The following EIF4ENIF1 variants were observed in gnomAD, a reference collection of about 807,000 sequenced individuals.
EIF4ENIF1 encodes eukaryotic translation initiation factor 4E nuclear import factor 1.
EIF4ENIF1 carries 23 observed loss-of-function variants against 110.5 expected under a neutral mutation model. That is an observed-to-expected ratio of 0.21 (90% CI 0.15 to 0.29). The LOEUF (loss-of-function observed/expected upper bound fraction) is 0.29, where lower values mean the gene tolerates loss of function less well. Among genes scored for constraint, EIF4ENIF1 ranks in the 10% least tolerant of loss-of-function variants. The probability of loss-of-function intolerance (pLI) is 1.00; values close to 1 mark genes in which losing one functional copy is unlikely to be tolerated. For synonymous variants in EIF4ENIF1, 440 were observed against 437.0 expected (o/e 1.01, Z -0.09); for missense variants, 1,031 against 1,221.1 (o/e 0.84, Z 2.32).
chr22:31,488,289 G>A (rs1193119320), intron 2 of EIF4ENIF1, among the ~76,000 whole-genome samples: 1 of 152,040 alleles, frequency 6.6e-6, no homozygotes, highest in Non-Finnish European at 1.5e-5. Flanking sequence ...GCATCCTAGG[G>A]CTTTAATCCT....
At chr22:31,456,443 T>C (rs1442211570) in intron 7 of EIF4ENIF1, among the ~76,000 whole-genome samples, 1 of 152,026 alleles carries the variant, frequency 6.6e-6, no homozygotes, top group Non-Finnish European at 1.5e-5. Flanking sequence ...CAGGATGGTC[T>C]CGATCTCCTG....
At chr22:31,447,385 C>T in intron 14 of EIF4ENIF1, 41 bp downstream of exon 14, 2 of 1,604,300 alleles carry the variant, frequency 1.2e-6, no homozygotes, top group Non-Finnish European at 1.7e-6. Flanking sequence ...TTCAGGAAAA[C>T]TTATCCGTAA....
At chr22:31,466,087 C>G (rs915235970) in intron 4 of EIF4ENIF1, among the ~76,000 whole-genome samples, 5 of 152,074 alleles carry the variant, frequency 3.3e-5, no homozygotes, top group African/African-American at 7.2e-5. Flanking sequence ...ACCAGCCTGG[C>G]CAACATAGGG....
In EIF4ENIF1 at chr22:31,442,046, G is replaced by A. The variant is rs951413026; in HGVS notation, c.2279C>T (p.Ser760Leu). ...DSSPTTNSKLSALQRSSCSTP... is the reference protein window; with the variant it reads ...DSSPTTNSKLLALQRSSCSTP... ...GGAACACGAAGACCTCTGTAATGCT[G>A]ACAGTTTGGAATTTGTAGTGGGAGA... Residue 760 changes from serine to leucine, a missense_variant, in exon 17 of 19, where the codon TCA becomes TTA. Coordinates refer to ENST00000330125, the MANE Select transcript of EIF4ENIF1 (RefSeq NM_019843.4). 20 of 1,614,074 alleles carry A rather than the reference G, an allele frequency of 1.2e-5. No individual in the cohort carries two copies. The highest frequency in any genetic ancestry group is 3.3e-5 in the Admixed American group (2 of 59,998).
At chr22:31,488,536 A>G in intron 2 of EIF4ENIF1, 87 bp downstream of exon 2, 1 of 1,554,260 alleles carries the variant, frequency 6.4e-7, no homozygotes, top group East Asian at 2.3e-5. Flanking sequence ...GAATGAGATT[A>G]CCACTTAATA....
At chr22:31,442,823 C>T (rs1181837042) in intron 16 of EIF4ENIF1, 139 bp downstream of exon 16, 3 of 1,165,112 alleles carry the variant, frequency 2.6e-6, no homozygotes, top group African/African-American at 1.5e-5. Flanking sequence ...AACCTTCTCA[C>T]TGACACAGAA....
intron 2 of EIF4ENIF1, among the ~76,000 whole-genome samples, chr22:31,477,976 A>C (rs1027496188): frequency 6.6e-6 from 1 of 152,216 alleles, no homozygotes; most frequent in Non-Finnish European, 1.5e-5. Flanking sequence ...GTGAATGTTC[A>C]CACCTTCAAA....
At chr22:31,486,219 G>A (rs532624287) in intron 2 of EIF4ENIF1, among the ~76,000 whole-genome samples, 14 of 151,790 alleles carry the variant, frequency 9.2e-5, no homozygotes, top group African/African-American at 4.8e-5. Flanking sequence ...GCAGTGAGCC[G>A]AGATAGCATC....
At chr22:31,445,946 A>AAAAT (rs1288037939) in intron 14 of EIF4ENIF1, among the ~76,000 whole-genome samples, 1 of 141,734 alleles carries the variant, frequency 7.1e-6, no homozygotes. Flanking sequence ...AAATGCAGTT[A>AAAAT]CGTACCGCCC....
intron 10 of EIF4ENIF1, 87 bp downstream of exon 10, chr22:31,454,057 A>G: frequency 8.1e-7 from 1 of 1,241,936 alleles, no homozygotes; most frequent in Non-Finnish European, 1.1e-6. Context: ...CTTACTCAGA[A>G]TACCTTTTTA....
intron 14 of EIF4ENIF1, among the ~76,000 whole-genome samples, chr22:31,446,074 A>G (rs1016358496): frequency 6.6e-6 from 1 of 150,752 alleles, no homozygotes; most frequent in Non-Finnish European, 1.5e-5. Context: ...GAATCACTTG[A>G]GGCCAGGAAT....
Position 31,449,516 on chromosome 22 carries a change from G to C in EIF4ENIF1, c.1600C>G (p.Pro534Ala), listed in dbSNP as rs2050583667. The C allele has an allele frequency of 5.0e-6, 8 of 1,612,992 alleles. No individual in the cohort carries two copies. The highest frequency in any genetic ancestry group is 5.9e-6 in the Non-Finnish European group (7 of 1,179,696). The change falls in exon 12 of 19, where the codon CCA becomes GCA. Residue 534 changes from proline (P) to alanine (A), a missense_variant. By Grantham distance (27) the Pro-to-Ala change is conservative. Around this residue, in one of 3 missense-constraint regions of EIF4ENIF1, gnomAD observed 704 missense variants for 879.7 expected, o/e 0.80. Coordinates refer to ENST00000330125, the MANE Select transcript of EIF4ENIF1 (RefSeq NM_019843.4). ...TTGGAAGAAGCAGGTCTCTGAACTG[G>C]TTGACCCAGAAGTTCCTAAAGGCAG... ...KNILQELLGQ[P>A]VQRPASSNLL...
At chr22:31,477,529 T>G (rs1422853352) in intron 2 of EIF4ENIF1, among the ~76,000 whole-genome samples, 2 of 152,244 alleles carry the variant, frequency 1.3e-5, no homozygotes, top group Admixed American at 6.5e-5. Context: ...ATTCTCATTT[T>G]CACTTCCGTA....
intron 1 of EIF4ENIF1, 56 bp from the exon 2 acceptor site, chr22:31,488,801 T>G: frequency 6.5e-7 from 1 of 1,531,328 alleles, no homozygotes; most frequent in Admixed American, 2.3e-5. Flanking sequence ...TTCAGAAATC[T>G]TGGCTGTTTC....
intron 2 of EIF4ENIF1, among the ~76,000 whole-genome samples, chr22:31,478,894 G>A (rs1181166285): frequency 4.7e-5 from 7 of 150,204 alleles, no homozygotes; most frequent in Admixed American, 4.7e-4. Flanking sequence ...GGAGCTTGCA[G>A]TGAGCTGAGA....
chr22:31,484,826 C>G (rs772515627), intron 2 of EIF4ENIF1, among the ~76,000 whole-genome samples: 2 of 152,162 alleles, frequency 1.3e-5, no homozygotes, highest in Non-Finnish European at 2.9e-5. Flanking sequence ...GAGTGAAACT[C>G]CACCTCAAAA....
intron 2 of EIF4ENIF1, among the ~76,000 whole-genome samples, chr22:31,484,763 C>T (rs5753650): frequency 0.083 from 12,585 of 151,698 alleles, 889 homozygotes; most frequent in East Asian, 0.37. Flanking sequence ...GAACCTGGGG[C>T]GGAGGTTGCG....
intron 2 of EIF4ENIF1, among the ~76,000 whole-genome samples, chr22:31,478,423 C>A (rs969946943): frequency 7.0e-6 from 1 of 142,504 alleles, no homozygotes; most frequent in East Asian, 2.1e-4. Flanking sequence ...GGCTGAGGCA[C>A]AAGAACTGCC....
At chr22:31,459,754 G>GTTTTTATTTA (rs2050934714) in intron 6 of EIF4ENIF1, among the ~76,000 whole-genome samples, 1 of 152,042 alleles carries the variant, frequency 6.6e-6, no homozygotes, top group South Asian at 2.1e-4. Context: ...AGTTTTTAAT[G>GTTTTTATTTA]TTTTTATTTA....
Sources: gnomAD v4.1 joint callset for allele counts (sites outside exome capture counted in the v4.1 genomes callset) on GRCh38, gnomAD v4.1.1 for gene constraint, gnomAD v4.1.1 regional missense constraint, MANE v1.5 for transcripts, NCBI Gene and HGNC (gene_info 2026-07-23, HGNC 2026-07-21) for gene names.